The following PCDH15 variants were observed in gnomAD, a reference collection of about 807,000 sequenced individuals.
PCDH15 encodes protocadherin-15.
A neutral mutation model predicts 178.5 loss-of-function variants in PCDH15; 129 were observed. The ratio of observed to expected loss-of-function variants is 0.72; its 90% confidence interval spans 0.63 to 0.84. The LOEUF (loss-of-function observed/expected upper bound fraction) is 0.84, where lower values mean the gene tolerates loss of function less well. Ranked by LOEUF, PCDH15 falls within the 40% of genes least tolerant of loss-of-function variation. The pLI is 0.00. For synonymous variants in PCDH15, 800 were observed against 732.0 expected (o/e 1.09, Z -1.50); for missense variants, 2,230 against 2,099.9 (o/e 1.06, Z -1.21).
chr10:53,952,883 T>C (rs1427682918), intron 23 of PCDH15, among the ~76,000 whole-genome samples: 2 of 152,230 alleles, frequency 1.3e-5, no homozygotes, highest in African/African-American at 2.4e-5. Flanking sequence ...GTGACAATGC[T>C]CGGGGCTTGA....
At chr10:54,875,444 C>G (rs1409362019) in intron 3 of PCDH15, among the ~76,000 whole-genome samples, 1 of 151,974 alleles carries the variant, frequency 6.6e-6, no homozygotes, top group African/African-American at 2.4e-5. Context: ...AATTTCAAAC[C>G]TAGAAATAAC....
At chr10:55,490,943 C>G (rs906389926) in intron 2 of PCDH15, among the ~76,000 whole-genome samples, 1 of 151,718 alleles carries the variant, frequency 6.6e-6, no homozygotes, top group African/African-American at 2.4e-5. Context: ...ATTACAAGAA[C>G]AATTATTGAT....
intron 2 of PCDH15, among the ~76,000 whole-genome samples, chr10:55,154,557 T>A (rs1346592560): frequency 6.6e-6 from 1 of 152,126 alleles, no homozygotes; most frequent in Non-Finnish European, 1.5e-5. Context: ...TTTAAAGTTA[T>A]CAGTTAGTGA....
chr10:54,940,121 T>G (rs1838022766), intron 2 of PCDH15, among the ~76,000 whole-genome samples: 1 of 152,186 alleles, frequency 6.6e-6, no homozygotes, highest in South Asian at 2.1e-4. Context: ...GTCTTTAGGT[T>G]TAAGTTAGGT....
At chr10:54,242,506 G>T (rs1323556821) in intron 8 of PCDH15, among the ~76,000 whole-genome samples, 2 of 151,788 alleles carry the variant, frequency 1.3e-5, no homozygotes, top group Non-Finnish European at 2.9e-5. Context: ...TCATGCATGG[G>T]TAGGTTGTCT....
chr10:53,859,080 A>G (rs779826764), intron 27 of PCDH15, among the ~76,000 whole-genome samples: 2 of 151,888 alleles, frequency 1.3e-5, no homozygotes, highest in South Asian at 4.2e-4. Flanking sequence ...GTTAAAAAAA[A>G]GTTTTGATAA....
intron 3 of PCDH15, among the ~76,000 whole-genome samples, chr10:54,484,844 A>C (rs372841271): frequency 6.6e-6 from 1 of 151,956 alleles, no homozygotes; most frequent in African/African-American, 2.4e-5. Flanking sequence ...AACTGTATTC[A>C]TAATGAACAT....
At chr10:54,702,716 A>G (rs1402097285) in intron 1 of PCDH15, among the ~76,000 whole-genome samples, 1 of 151,868 alleles carries the variant, frequency 6.6e-6, no homozygotes, top group Non-Finnish European at 1.5e-5. Flanking sequence ...AAGTAATACA[A>G]CGCCTACCAA....
At chr10:54,854,983 T>C (rs897987459) in intron 3 of PCDH15, among the ~76,000 whole-genome samples, 23 of 152,204 alleles carry the variant, frequency 1.5e-4, no homozygotes, top group African/African-American at 5.5e-4. Flanking sequence ...TTCCAAGCTA[T>C]GTTAAAACCC....
At chr10:53,985,851 T>G (rs2091058728) in intron 21 of PCDH15, among the ~76,000 whole-genome samples, 1 of 151,962 alleles carries the variant, frequency 6.6e-6, no homozygotes, top group Non-Finnish European at 1.5e-5. Flanking sequence ...GGATGACAGA[T>G]CTCATAGACT....
rs1491276836 is a variant in PCDH15, at chr10:54,622,628, A to AT, written c.91+41543dup. On this transcript the variant is annotated intron_variant, in intron 2 of 37. Transcript: ENST00000644397. ...TATATAATTATATATAATATATATA[A>AT]TATATATTATATAATTATATATATA... is the stretch of plus-strand genomic sequence containing the variant. Among the ~76,000 whole-genome samples the AT allele has an allele frequency of 4.8e-4, 19 of 39,744 alleles. 2 individuals are homozygous for AT. The highest frequency in any genetic ancestry group is 1.7e-3 in the Admixed American group (4 of 2,372). 26.1% of individuals were successfully genotyped at this position (39,744 alleles called of 152,430 possible).
chr10:54,270,118 G>A (rs1473942533), intron 8 of PCDH15, among the ~76,000 whole-genome samples: 1 of 151,832 alleles, frequency 6.6e-6, no homozygotes, highest in Non-Finnish European at 1.5e-5. Context: ...ATTTTTTACT[G>A]GACTAATATT....
chr10:55,256,117 A>G (rs1216825086), intron 1 of PCDH15, among the ~76,000 whole-genome samples: 15 of 152,100 alleles, frequency 9.9e-5, no homozygotes, highest in Admixed American at 9.8e-4. Context: ...ATCTTGAATT[A>G]ATTTTTGTAT....
intron 1 of PCDH15, among the ~76,000 whole-genome samples, chr10:54,719,521 TA>T (rs2095519941): frequency 2.0e-5 from 3 of 150,480 alleles, no homozygotes; most frequent in Admixed American, 6.7e-5. Flanking sequence ...CTTTTTTTTT[TA>T]AATTTTACTT....
chr10:55,579,285 G>A (rs974016630), intron 2 of PCDH15, among the ~76,000 whole-genome samples: 18 of 152,082 alleles, frequency 1.2e-4, no homozygotes, highest in Non-Finnish European at 2.5e-4. Flanking sequence ...TACTTTAGAC[G>A]TTTCAGTAGC....
intron 2 of PCDH15, among the ~76,000 whole-genome samples, chr10:55,048,081 T>G (rs1036833641): frequency 9.2e-5 from 14 of 151,824 alleles, no homozygotes; most frequent in African/African-American, 3.4e-4. Context: ...TCATCAATAC[T>G]GGCACTTTGA....
intron 1 of PCDH15, among the ~76,000 whole-genome samples, chr10:55,228,699 A>G (rs1296136059): frequency 6.6e-6 from 1 of 152,050 alleles, no homozygotes; most frequent in Non-Finnish European, 1.5e-5. Context: ...CATTTGACAC[A>G]TCACATAATA....
At chr10:54,178,315 A>C (rs1269446946) in intron 13 of PCDH15, among the ~76,000 whole-genome samples, 1 of 152,188 alleles carries the variant, frequency 6.6e-6, no homozygotes, top group African/African-American at 2.4e-5. Flanking sequence ...ATAGAGATAG[A>C]TATAGATCAA....
intron 2 of PCDH15, among the ~76,000 whole-genome samples, chr10:55,362,433 G>T (rs1845253298): frequency 6.6e-6 from 1 of 152,102 alleles, no homozygotes; most frequent in African/African-American, 2.4e-5. Context: ...TTTTAAGATT[G>T]TGCCAGCTAT....
Sources: allele counts gnomAD v4.1 joint callset (sites outside exome capture counted in the v4.1 genomes callset), GRCh38; gene constraint gnomAD v4.1.1; transcripts MANE v1.5; gene names NCBI Gene and HGNC (gene_info 2026-07-23, HGNC 2026-07-21).